Variants in NRG3 observed in about 807,000 individuals in gnomAD.
NRG3 encodes the protein neuregulin 3.
NRG3 carries 31 observed loss-of-function variants against 66.9 expected under a neutral mutation model. The observed-to-expected ratio is 0.46, with a 90% CI of 0.35 to 0.63. The LOEUF is 0.63. Ranked by LOEUF, NRG3 falls within the 20% of genes least tolerant of loss-of-function variation. The pLI is 0.00. For missense variants in NRG3, 910 were observed against 878.9 expected (o/e 1.04, Z -0.45); for synonymous variants, 393 against 359.4 (o/e 1.09, Z -1.06).
chr10:82,718,240 G>A (rs59103024), intron 2 of NRG3, among the ~76,000 whole-genome samples: 21,858 of 152,020 alleles, frequency 0.14, 2,824 homozygotes, highest in African/African-American at 0.35. Flanking sequence ...GTCAACTCCT[G>A]TTTTACTTTA....
At chr10:82,690,386 C>G (rs2134196183) in intron 2 of NRG3, among the ~76,000 whole-genome samples, 1 of 152,124 alleles carries the variant, frequency 6.6e-6, no homozygotes, top group Admixed American at 6.5e-5. Context: ...GGATTGCCCC[C>G]TTCAGCTCCT....
chr10:82,308,354 G>T (rs527299785), intron 1 of NRG3, among the ~76,000 whole-genome samples: 18 of 152,200 alleles, frequency 1.2e-4, no homozygotes, highest in Middle Eastern at 3.4e-3. Flanking sequence ...CTCTCAAAGT[G>T]CTGGGATTAC....
intron 2 of NRG3, among the ~76,000 whole-genome samples, chr10:82,709,810 A>AT (rs2056549056): frequency 6.6e-6 from 1 of 152,130 alleles, no homozygotes; most frequent in Non-Finnish European, 1.5e-5. Flanking sequence ...CCAAGTTCCC[A>AT]TTGTCTGGGT....
rs141996081 is a variant in NRG3, at chr10:81,916,317, A to T, written c.823+40154A>T. ...GCATCTAATATTTGCAGTTTACTAC[A>T]TTTTGGTTATATAACCATATAACTT... is the stretch of plus-strand genomic sequence containing the variant. On this transcript the variant is annotated intron_variant, in intron 1 of 8. Coordinates refer to ENST00000372141, the MANE Select transcript of NRG3 (RefSeq NM_001010848.4). Among the ~76,000 whole-genome samples the T allele has an allele frequency of 6.9e-4, 105 of 152,284 alleles. No individual in the cohort carries two copies. In the East Asian group the frequency reaches 0.018, roughly 26 times the overall value.
rs538809849 is a variant in NRG3, at chr10:82,834,351, C to G, written c.1028-31060C>G. Among the ~76,000 whole-genome samples the G allele has an allele frequency of 3.3e-5, 5 of 152,278 alleles. No homozygotes were observed. In the South Asian group the frequency reaches 1.0e-3, roughly 32 times the overall value. On this transcript the variant is annotated intron_variant, in intron 3 of 8. Coordinates refer to ENST00000372141, the MANE Select transcript of NRG3 (RefSeq NM_001010848.4). ...AAGCCGTTCACTCCTGAGACTAATA[C>G]CGAGTCCTCTTCATTTATCCTTGAC...
At chr10:82,276,268 A>G (rs974345463) in intron 1 of NRG3, among the ~76,000 whole-genome samples, 2 of 151,920 alleles carry the variant, frequency 1.3e-5, no homozygotes, top group African/African-American at 4.8e-5. Flanking sequence ...GAATGGCCAC[A>G]CTCTTTTAAA....
intron 1 of NRG3, among the ~76,000 whole-genome samples, chr10:81,937,864 A>T (rs949359530): frequency 6.6e-6 from 1 of 152,122 alleles, no homozygotes; most frequent in Non-Finnish European, 1.5e-5. Flanking sequence ...CAGTAGTTTT[A>T]TAGTTTCTGG....
chr10:82,200,684 A>G (rs2074753806), intron 1 of NRG3, among the ~76,000 whole-genome samples: 1 of 152,204 alleles, frequency 6.6e-6, no homozygotes, highest in African/African-American at 2.4e-5. Flanking sequence ...TAGTACTGCA[A>G]TGAATTCAGA....
chr10:81,976,820 G>A (rs74143899), intron 1 of NRG3, among the ~76,000 whole-genome samples: 2,617 of 152,240 alleles, frequency 0.017, 62 homozygotes, highest in African/African-American at 0.055. Context: ...GTGAAGATTA[G>A]TCTATCTGGA....
intron 1 of NRG3, among the ~76,000 whole-genome samples, chr10:82,209,131 T>G (rs577116282): frequency 2.0e-5 from 3 of 152,288 alleles, no homozygotes; most frequent in African/African-American, 7.2e-5. Flanking sequence ...AAATACAAGT[T>G]GAACATTGTA....
chr10:82,380,947 A>G (rs1449970233), intron 2 of NRG3, among the ~76,000 whole-genome samples: 1 of 152,176 alleles, frequency 6.6e-6, no homozygotes, highest in Admixed American at 6.5e-5. Flanking sequence ...ATGGAATGCC[A>G]TCCAGCAATG....
chr10:81,884,267 G>C (rs570266766), intron 1 of NRG3, among the ~76,000 whole-genome samples: 1 of 152,284 alleles, frequency 6.6e-6, no homozygotes, highest in East Asian at 1.9e-4. Flanking sequence ...ATTTGCCACT[G>C]TAAACTCCAT....
At chr10:82,145,898 A>G (rs1282792018) in intron 1 of NRG3, among the ~76,000 whole-genome samples, 1 of 152,114 alleles carries the variant, frequency 6.6e-6, no homozygotes, top group Non-Finnish European at 1.5e-5. Flanking sequence ...ATAAGTAGGT[A>G]GTAACCAGGG....
chr10:82,508,175 G>A (rs1338784041), intron 2 of NRG3, among the ~76,000 whole-genome samples: 3 of 152,164 alleles, frequency 2.0e-5, no homozygotes, highest in South Asian at 2.1e-4. Flanking sequence ...CAATAGAGAC[G>A]ATTAAAATGT....
At chr10:82,294,461 G>GTA (rs1232603272) in intron 1 of NRG3, among the ~76,000 whole-genome samples, 1 of 149,770 alleles carries the variant, frequency 6.7e-6, no homozygotes, top group Non-Finnish European at 1.5e-5. Flanking sequence ...GTGTGTGTGT[G>GTA]TGTATGTGTG....
intron 1 of NRG3, among the ~76,000 whole-genome samples, chr10:82,212,121 C>CATAA (rs1564668499): frequency 6.6e-6 from 1 of 152,132 alleles, no homozygotes; most frequent in Non-Finnish European, 1.5e-5. Context: ...GTAAAATGAT[C>CATAA]ATTTTATGTT....
chr10:82,649,929 T>C (rs1318087335), intron 2 of NRG3, among the ~76,000 whole-genome samples: 1 of 152,190 alleles, frequency 6.6e-6, no homozygotes, highest in African/African-American at 2.4e-5. Flanking sequence ...AGTGACCTTA[T>C]TGTTGTAATG....
At chr10:82,637,275 A>C (rs1242275169) in intron 2 of NRG3, among the ~76,000 whole-genome samples, 1 of 152,172 alleles carries the variant, frequency 6.6e-6, no homozygotes, top group Admixed American at 6.6e-5. Context: ...TGAATTGAGA[A>C]TTATAATAAA....
At chr10:82,449,378 T>A (rs150327301) in intron 2 of NRG3, among the ~76,000 whole-genome samples, 154 of 152,348 alleles carry the variant, frequency 1.0e-3, no homozygotes, top group African/African-American at 3.7e-3. Flanking sequence ...TTTTTTGTTA[T>A]CCTTGCACTC....
Sources: gnomAD v4.1 joint callset for allele counts (sites outside exome capture counted in the v4.1 genomes callset) on GRCh38, gnomAD v4.1.1 for gene constraint, MANE v1.5 for transcripts, NCBI Gene and HGNC (gene_info 2026-07-23, HGNC 2026-07-21) for gene names.